The following AKAP19 variants were observed in gnomAD, a reference collection of about 807,000 sequenced individuals.
AKAP19 encodes the protein small A-kinase anchoring protein.
the AKAP19 span, among the ~76,000 whole-genome samples, chr2:190,170,386 A>G: frequency 6.6e-6 from 1 of 152,236 alleles, no homozygotes; most frequent in African/African-American, 2.4e-5. Context: ...GATTTTCTCC[A>G]TCAGTGGCAT....
At chr2:189,893,956 A>G in the AKAP19 span, among the ~76,000 whole-genome samples, 4 of 152,140 alleles carry the variant, frequency 2.6e-5, no homozygotes, top group Non-Finnish European at 4.4e-5. Flanking sequence ...ATTTCCAGAC[A>G]TCATAGGCAT....
chr2:189,997,190 G>A, the AKAP19 span, among the ~76,000 whole-genome samples: 1 of 152,190 alleles, frequency 6.6e-6, no homozygotes, highest in African/African-American at 2.4e-5. Flanking sequence ...ATTCTGTCAT[G>A]AGTAGCTGTA....
chr2:190,077,444 A>ACATG, the AKAP19 span, among the ~76,000 whole-genome samples: 18,648 of 151,864 alleles, frequency 0.12, 3,043 homozygotes, highest in African/African-American at 0.37. Flanking sequence ...AAACATTTAA[A>ACATG]ATGTTAACAT....
the AKAP19 span, among the ~76,000 whole-genome samples, chr2:189,946,366 T>C: frequency 6.6e-6 from 1 of 152,256 alleles, no homozygotes; most frequent in Admixed American, 6.5e-5. Flanking sequence ...TCCCAATGGC[T>C]TGGGTGGCTG....
chr2:190,178,177 C>T, the AKAP19 span, among the ~76,000 whole-genome samples: 1 of 152,204 alleles, frequency 6.6e-6, no homozygotes, highest in African/African-American at 2.4e-5. The surrounding 1 kb of genome is among the most constrained non-coding windows in gnomAD (Gnocchi z 6.3). Context: ...ATGCTATGCC[C>T]TGACTCCCAG....
At chr2:190,200,786 G>C in the AKAP19 span, 2 of 167,534 alleles carry the variant, frequency 1.2e-5, no homozygotes, top group African/African-American at 2.4e-5. Context: ...CCATCTTAGA[G>C]ATAACAGTTT....
the AKAP19 span, chr2:189,917,776 G>C: frequency 5.9e-6 from 1 of 169,474 alleles, no homozygotes; most frequent in East Asian, 1.8e-4. Flanking sequence ...CTGCCAATTT[G>C]TGTTTTTTAA....
At chr2:190,173,776 T>C in the AKAP19 span, among the ~76,000 whole-genome samples, 1 of 152,230 alleles carries the variant, frequency 6.6e-6, no homozygotes, top group African/African-American at 2.4e-5. Flanking sequence ...TAACTTCCTT[T>C]AAAATTCAAG....
At chr2:190,079,853 A>AGG in the AKAP19 span, 48 of 83,940 alleles carry the variant, frequency 5.7e-4, 1 homozygote, top group East Asian at 1.2e-3. Context: ...GGGAAAAATG[A>AGG]GGGGTGTGTG....
At chr2:190,192,836 T>C in the AKAP19 span, among the ~76,000 whole-genome samples, 19 of 152,204 alleles carry the variant, frequency 1.2e-4, no homozygotes, top group African/African-American at 4.6e-4. Context: ...TTGTAGAAAT[T>C]ACTTTTTATA....
At chr2:189,972,037 T>C in the AKAP19 span, among the ~76,000 whole-genome samples, 1 of 152,232 alleles carries the variant, frequency 6.6e-6, no homozygotes, top group African/African-American at 2.4e-5. Flanking sequence ...TTTTGGTGTT[T>C]TGACATGAAG....
At chr2:190,201,247 A>AT in the AKAP19 span, 1 of 166,790 alleles carries the variant, frequency 6.0e-6, no homozygotes, top group Non-Finnish European at 1.5e-5. Context: ...TTTCTCTTTC[A>AT]TTTTTACTGT....
chr2:190,177,486 G>A, the AKAP19 span, among the ~76,000 whole-genome samples: 17 of 152,230 alleles, frequency 1.1e-4, no homozygotes, highest in Admixed American at 5.2e-4. This position sits in a 1 kb window ranked among gnomAD's most constrained non-coding sequence, Gnocchi z 4.6. Context: ...CCCAGGGCCC[G>A]GATCCTTCCT....
At chr2:190,057,352 A>G in the AKAP19 span, 1 of 1,613,624 alleles carries the variant, frequency 6.2e-7, no homozygotes, top group Non-Finnish European at 8.5e-7. Context: ...AATTGGAGAC[A>G]TCTTTGTGGG....
chr2:189,929,751 C>T, the AKAP19 span, among the ~76,000 whole-genome samples: 24 of 152,082 alleles, frequency 1.6e-4, no homozygotes, highest in Non-Finnish European at 7.4e-5. Flanking sequence ...CAATGAATTC[C>T]ATTTCTAATG....
At chr2:190,145,694 T>G in the AKAP19 span, among the ~76,000 whole-genome samples, 3 of 152,226 alleles carry the variant, frequency 2.0e-5, no homozygotes, top group Middle Eastern at 6.8e-3. Flanking sequence ...AGTTTCTAAC[T>G]AGGTTTGTGT....
the AKAP19 span, among the ~76,000 whole-genome samples, chr2:190,051,251 C>T: frequency 6.6e-6 from 1 of 152,168 alleles, no homozygotes; most frequent in South Asian, 2.1e-4. Context: ...AAGTCATACT[C>T]ATGGGTCTTG....
chr2:190,164,366 C>A, the AKAP19 span, among the ~76,000 whole-genome samples: 1 of 152,040 alleles, frequency 6.6e-6, no homozygotes, highest in Non-Finnish European at 1.5e-5. Context: ...GAAACCCTGT[C>A]TCTATTAAAA....
chr2:190,095,605 G>A, the AKAP19 span: 2 of 152,184 alleles, frequency 1.3e-5, no homozygotes, highest in Non-Finnish European at 1.5e-5. Context: ...CCATAACTGT[G>A]AGAAATAAAT....
Sources: gnomAD v4.1 joint callset for allele counts (sites outside exome capture counted in the v4.1 genomes callset) on GRCh38, gnomAD v4.1.1 for gene constraint, Gnocchi (gnomAD v3.1) non-coding constraint, MANE v1.5 for transcripts, NCBI Gene and HGNC (gene_info 2026-07-23, HGNC 2026-07-21) for gene names.